The following PTPRD variants were observed in gnomAD, a reference collection of about 807,000 sequenced individuals.
The protein encoded by PTPRD is protein tyrosine phosphatase receptor type D, also known as receptor-type tyrosine-protein phosphatase delta.
In PTPRD, 34 loss-of-function variants were observed where a neutral mutation model predicts 214.5. The observed-to-expected ratio is 0.16, with a 90% confidence interval of 0.12 to 0.21. The LOEUF is 0.21. Among genes scored for constraint, PTPRD ranks in the 10% least tolerant of loss-of-function variants. The probability of loss-of-function intolerance (pLI) is 1.00; values close to 1 mark genes in which losing one functional copy is unlikely to be tolerated. For missense variants in PTPRD, 2,545 were observed against 2,398.7 expected (o/e 1.06, Z -1.27); for synonymous variants, 1,128 against 845.7 (o/e 1.33, Z -5.79).
chr9:9,879,129 G>A (rs527248064), intron 5 of PTPRD, among the ~76,000 whole-genome samples: 2 of 152,232 alleles, frequency 1.3e-5, no homozygotes, highest in African/African-American at 2.4e-5. Flanking sequence ...TTAGCCTTAG[G>A]CTCCATTCTC....
At chr9:8,749,619 C>A (rs930177462) in intron 11 of PTPRD, among the ~76,000 whole-genome samples, 1 of 152,212 alleles carries the variant, frequency 6.6e-6, no homozygotes, top group Non-Finnish European at 1.5e-5. Context: ...AGAGAAGACA[C>A]TGTTGTTTGG....
chr9:9,071,518 C>T (rs1235241612), intron 10 of PTPRD, among the ~76,000 whole-genome samples: 1 of 152,114 alleles, frequency 6.6e-6, no homozygotes, highest in African/African-American at 2.4e-5. Flanking sequence ...GCCTAAGTTG[C>T]AGGGAACTGT....
intron 12 of PTPRD, among the ~76,000 whole-genome samples, chr9:8,655,452 C>T (rs1157500194): frequency 2.0e-5 from 3 of 152,076 alleles, no homozygotes; most frequent in Admixed American, 1.3e-4. Context: ...GGTCCTTCAC[C>T]CCTGAATAAT....
rs115798883 is a variant in PTPRD, at chr9:8,745,983, G to A, written c.-103-12037C>T. Among the ~76,000 whole-genome samples, 534 of 152,296 alleles carry A rather than the reference G, an allele frequency of 3.5e-3. 4 individuals are homozygous for A. Among genetic ancestry groups the A allele is most frequent in the African/African-American group, 0.012 (516 of 41,548 alleles). The stretch of plus-strand genomic sequence containing the variant: ...TGGTTTTTCAATTTTTATTGGGAAG[G>A]GGTCTTGCTATGTTGCCCAGACTGG... On this transcript the variant is annotated intron_variant, in intron 11 of 45. Coordinates refer to ENST00000381196, the MANE Select transcript of PTPRD (RefSeq NM_002839.4).
intron 7 of PTPRD, among the ~76,000 whole-genome samples, chr9:9,678,361 C>CA (rs2096980891): frequency 1.3e-5 from 2 of 151,812 alleles, no homozygotes. Context: ...GTACTGGTAC[C>CA]AAAACAGAGA....
chr9:8,404,747 T>A, intron 35 of PTPRD, 87 bp from the exon 36 acceptor site: 1 of 1,444,638 alleles, frequency 6.9e-7, no homozygotes, highest in Non-Finnish European at 9.2e-7. Flanking sequence ...TAAACATGAT[T>A]TAAAAGGAAA....
chr9:10,129,335 G>C (rs540356029), intron 3 of PTPRD, among the ~76,000 whole-genome samples: 36 of 152,072 alleles, frequency 2.4e-4, no homozygotes, highest in Non-Finnish European at 3.4e-4. Context: ...ATCAAAATTT[G>C]TTTAGTGTCC....
intron 9 of PTPRD, among the ~76,000 whole-genome samples, chr9:9,346,706 T>G (rs1164121058): frequency 2.0e-5 from 3 of 152,138 alleles, no homozygotes; most frequent in African/African-American, 7.2e-5. Context: ...TTTTTTTTCT[T>G]TTTTAGACAG....
chr9:8,516,328 A>T (rs561172758), intron 21 of PTPRD, among the ~76,000 whole-genome samples: 1 of 152,342 alleles, frequency 6.6e-6, no homozygotes, highest in Admixed American at 6.5e-5. Context: ...GATAGTTTTT[A>T]ATACAACTGT....
chr9:9,206,582 C>T (rs901599330), intron 9 of PTPRD, among the ~76,000 whole-genome samples: 1 of 152,128 alleles, frequency 6.6e-6, no homozygotes, highest in African/African-American at 2.4e-5. Context: ...TGTGGGTGGG[C>T]ACCATCTAAT....
chr9:8,359,837 T>C (rs1334247877), intron 39 of PTPRD, among the ~76,000 whole-genome samples: 1 of 152,208 alleles, frequency 6.6e-6, no homozygotes, highest in Non-Finnish European at 1.5e-5. Flanking sequence ...CACTTAGTGT[T>C]TGTTCCATCA....
intron 11 of PTPRD, among the ~76,000 whole-genome samples, chr9:8,789,742 G>C (rs1235784923): frequency 1.3e-5 from 2 of 152,102 alleles, no homozygotes; most frequent in African/African-American, 4.8e-5. Context: ...CAGAGAATTA[G>C]CATCCCATAT....
At chr9:8,335,794 T>A (rs368707109) in intron 43 of PTPRD, among the ~76,000 whole-genome samples, 28 of 152,236 alleles carry the variant, frequency 1.8e-4, no homozygotes, top group African/African-American at 6.7e-4. Context: ...CAGCAAAATC[T>A]CAGGATAAAG....
At chr9:8,813,959 G>T (rs139446768) in intron 11 of PTPRD, among the ~76,000 whole-genome samples, 1 of 151,996 alleles carries the variant, frequency 6.6e-6, no homozygotes, top group Non-Finnish European at 1.5e-5. Context: ...CATTTCTTTC[G>T]GCCTTCCTCT....
intron 5 of PTPRD, among the ~76,000 whole-genome samples, chr9:9,786,378 A>G (rs1450271415): frequency 6.6e-6 from 1 of 152,228 alleles, no homozygotes; most frequent in Non-Finnish European, 1.5e-5. Context: ...GCATCGAGAG[A>G]GTATCAAGAA....
At chr9:8,975,883 A>G (rs2099265374) in intron 11 of PTPRD, among the ~76,000 whole-genome samples, 1 of 151,838 alleles carries the variant, frequency 6.6e-6, no homozygotes, top group African/African-American at 2.4e-5. Context: ...GCATTATATC[A>G]TGACAGCATT....
intron 14 of PTPRD, among the ~76,000 whole-genome samples, chr9:8,583,922 C>T (rs753116564): frequency 1.5e-4 from 23 of 152,116 alleles, no homozygotes; most frequent in South Asian, 2.1e-4. Context: ...GAAGCCAAGG[C>T]GGGCAGATCA....
At chr9:8,641,821 G>A (rs959211415) in intron 12 of PTPRD, among the ~76,000 whole-genome samples, 2 of 152,150 alleles carry the variant, frequency 1.3e-5, no homozygotes, top group African/African-American at 4.8e-5. Context: ...CCAATGCACA[G>A]TATCTTTGAA....
intron 8 of PTPRD, among the ~76,000 whole-genome samples, chr9:9,544,576 C>T (rs941017881): frequency 6.6e-5 from 10 of 151,586 alleles, no homozygotes; most frequent in African/African-American, 2.4e-4. Context: ...TTCTGAACCA[C>T]AAAGAACATC....
Sources: allele counts gnomAD v4.1 joint callset (sites outside exome capture counted in the v4.1 genomes callset), GRCh38; gene constraint gnomAD v4.1.1; transcripts MANE v1.5; gene names NCBI Gene and HGNC (gene_info 2026-07-23, HGNC 2026-07-21).